Variants in PLAG1 observed in about 807,000 individuals in gnomAD.
PLAG1 encodes zinc finger protein PLAG1.
A neutral mutation model predicts 35.5 loss-of-function variants in PLAG1; 7 were observed. The ratio of observed to expected loss-of-function variants is 0.20; its 90% confidence interval spans 0.11 to 0.37. The LOEUF is 0.37. Among genes scored for constraint, PLAG1 ranks in the 10% least tolerant of loss-of-function variants. The pLI, the probability that PLAG1 is intolerant of heterozygous loss-of-function variation, is 1.00. For synonymous variants in PLAG1, 229 were observed against 225.4 expected (o/e 1.02, Z -0.14); for missense variants, 454 against 602.8 (o/e 0.75, Z 2.58).
chr8:56,173,411 T>C (rs1811589031), intron 2 of PLAG1, among the ~76,000 whole-genome samples: 2 of 152,078 alleles, frequency 1.3e-5, no homozygotes, highest in South Asian at 4.1e-4. Flanking sequence ...AATTATTCTT[T>C]GGATTGATAT....
chr8:56,186,553 G>C (rs1563384286), intron 1 of PLAG1, among the ~76,000 whole-genome samples: 1 of 150,952 alleles, frequency 6.6e-6, no homozygotes, highest in Non-Finnish European at 1.5e-5. Context: ...TTGTATTTTT[G>C]GTAGAGACGG....
At chr8:56,190,742 G>A (rs1812157627) in intron 1 of PLAG1, among the ~76,000 whole-genome samples, 1 of 152,096 alleles carries the variant, frequency 6.6e-6, no homozygotes, top group South Asian at 2.1e-4. Context: ...TAATGAATTA[G>A]AGGGGGCAGT....
chr8:56,176,605 T>C (rs1335735481), intron 2 of PLAG1, among the ~76,000 whole-genome samples: 1 of 152,036 alleles, frequency 6.6e-6, no homozygotes, highest in Non-Finnish European at 1.5e-5. Flanking sequence ...AGGACAATTA[T>C]ATCTGAATGC....
At chr8:56,204,626 T>G (rs1029992240) in intron 1 of PLAG1, among the ~76,000 whole-genome samples, 1 of 151,904 alleles carries the variant, frequency 6.6e-6, no homozygotes, top group African/African-American at 2.4e-5. Flanking sequence ...TAAAGAGAGA[T>G]AATTTTTTAA....
At chr8:56,193,190 T>C (rs543621669) in intron 1 of PLAG1, among the ~76,000 whole-genome samples, 5 of 152,294 alleles carry the variant, frequency 3.3e-5, no homozygotes, top group Admixed American at 2.6e-4. Context: ...ATACAAATGA[T>C]ATGAAATAAC....
intron 2 of PLAG1, among the ~76,000 whole-genome samples, chr8:56,172,468 T>A (rs979222133): frequency 6.6e-6 from 1 of 152,200 alleles, no homozygotes; most frequent in Non-Finnish European, 1.5e-5. Context: ...AAATACTTAC[T>A]TGCCCAGGGC....
At position 56,161,230 on chromosome 8, in the gene PLAG1, A is replaced by T. The variant is rs1811189446; in HGVS notation, c.*5013T>A. 1.0e-5 allele frequency: 2 copies of T among 200,216 alleles called. No homozygotes were observed. Among genetic ancestry groups the T allele is most frequent in the Non-Finnish European group, 2.1e-5 (2 of 96,904 alleles). The allele number at this position is 200,216 out of a possible 1,614,324, so 12.4% of individuals were successfully genotyped here. A position where few individuals can be genotyped will look rare whatever the true frequency, so the allele number is the denominator to read the frequency against. ...ACATTTTAAGTACACGATATACATG[A>T]TAAGCCACTTGATTTCCCAATATTA... On this transcript the variant is annotated 3_prime_UTR_variant, in exon 5 of 5. Transcript: ENST00000316981.
chr8:56,178,971 G>A (rs191711337), intron 2 of PLAG1, among the ~76,000 whole-genome samples: 1 of 128,770 alleles, frequency 7.8e-6, no homozygotes, highest in East Asian at 2.5e-4. Flanking sequence ...CTGTGAGCAA[G>A]TCTAATCCCC....
In PLAG1 at chr8:56,198,260, C is replaced by T. The variant is rs1226001980; in HGVS notation, c.-322+12861G>A. Among the ~76,000 whole-genome samples the T allele has an allele frequency of 2.6e-5, 4 of 152,224 alleles. No homozygotes were observed. In the East Asian group the frequency reaches 5.8e-4, roughly 22 times the overall value. On this transcript the variant is annotated intron_variant, in intron 1 of 4. Transcript: ENST00000316981. ...AAGGCTCAGCCCCGAGAGGAAGCTG[C>T]ATACCCACGCATGGTATGGAGCAGT...
At chr8:56,182,158 G>A (rs1811888549) in intron 1 of PLAG1, among the ~76,000 whole-genome samples, 1 of 152,230 alleles carries the variant, frequency 6.6e-6, no homozygotes, top group Admixed American at 6.5e-5. Context: ...AAATGCTTGG[G>A]GAGGTAGGAC....
chr8:56,166,474 G>A lies in PLAG1; in HGVS notation c.1272C>T (p.Phe424=). The change falls in exon 5 of 5, where the codon TTC becomes TTT. Residue 424 remains phenylalanine, a synonymous_variant. Transcript: ENST00000316981. ...PALDFSQLFN[F]IPLNGPPYNP... Reference sequence around the variant, plus strand: ...TATAGGGAGGACCATTTAAAGGTATGAAATTAAACAACTGAGAAAAATCCA... The same window carrying A: ...TATAGGGAGGACCATTTAAAGGTATAAAATTAAACAACTGAGAAAAATCCA... The A allele has an allele frequency of 6.2e-7, 1 of 1,613,746 alleles. No homozygotes were observed. Among genetic ancestry groups the A allele is most frequent in the South Asian group, 1.1e-5 (1 of 91,046 alleles).
chr8:56,209,086 T>C (rs572905610), intron 1 of PLAG1, among the ~76,000 whole-genome samples: 192 of 152,316 alleles, frequency 1.3e-3, no homozygotes, highest in African/African-American at 3.3e-3. Flanking sequence ...TTAAGCCAAA[T>C]TGAATATTAA....
At chr8:56,173,996 C>T (rs778074019) in intron 2 of PLAG1, among the ~76,000 whole-genome samples, 12 of 152,144 alleles carry the variant, frequency 7.9e-5, no homozygotes, top group African/African-American at 2.9e-4. Context: ...ATTTTAAATT[C>T]CATAGTTCTG....
intron 1 of PLAG1, among the ~76,000 whole-genome samples, chr8:56,181,978 G>A (rs1219125310): frequency 6.6e-6 from 1 of 152,320 alleles, no homozygotes; most frequent in Non-Finnish European, 1.5e-5. Flanking sequence ...TGCCAAAAAA[G>A]AAGTCAGAGA....
rs995083040 is a variant in PLAG1 at position 56,165,296 on chromosome 8, A to G, written c.*947T>C. ...TGAGTCAATCCACTGTGGGATAAAC[A>G]CACCTCATGGCTGCAGTTCCACAAT... On this transcript the variant is annotated 3_prime_UTR_variant, in exon 5 of 5. Transcript: ENST00000316981. 3.3e-4 allele frequency: 71 copies of G among 213,714 alleles called. No individual in the cohort carries two copies. The Middle Eastern group carries it at 4.5e-3, about 13-fold the overall frequency. The allele number at this position is 213,714 out of a possible 1,614,324, so 13.2% of individuals were successfully genotyped here.
chr8:56,167,960 G>A lies in PLAG1; in HGVS notation c.242+68C>T, dbSNP rs1039009585. 3.5e-6 allele frequency: 3 copies of A among 863,214 alleles called. No individual in the cohort carries two copies. Among genetic ancestry groups the A allele is most frequent in the Middle Eastern group, 3.6e-4 (1 of 2,768 alleles). 53.5% of individuals were successfully genotyped at this position (863,214 alleles called of 1,614,324 possible). ...GAAAAATGTGTATACAAATACATAC[G>A]TTTACAATGGCTTCAAACAGCCAAC... On this transcript the variant is annotated intron_variant, in intron 4 of 4. Transcript: ENST00000316981. This position sits in a 1 kb window ranked among gnomAD's most constrained non-coding sequence, Gnocchi z 5.9.
At chr8:56,195,012 C>G (rs1025918188) in intron 1 of PLAG1, among the ~76,000 whole-genome samples, 4 of 152,072 alleles carry the variant, frequency 2.6e-5, no homozygotes, top group African/African-American at 9.7e-5. Flanking sequence ...AGCGAAGAAG[C>G]TGCTGAGGGT....
intron 1 of PLAG1, among the ~76,000 whole-genome samples, chr8:56,187,557 T>C (rs183403167): frequency 2.6e-5 from 4 of 152,326 alleles, no homozygotes; most frequent in Non-Finnish European, 5.9e-5. Context: ...GTAAAGTCTC[T>C]AGCATAGTTC....
intron 1 of PLAG1, among the ~76,000 whole-genome samples, chr8:56,206,592 C>T (rs1254846478): frequency 6.6e-6 from 1 of 151,950 alleles, no homozygotes; most frequent in East Asian, 1.9e-4. Context: ...ATTCTAAAAT[C>T]AGGTTAACTT....
Sources: allele counts gnomAD v4.1 joint callset (sites outside exome capture counted in the v4.1 genomes callset), GRCh38; gene constraint gnomAD v4.1.1; non-coding constraint Gnocchi (gnomAD v3.1); transcripts MANE v1.5; gene names NCBI Gene and HGNC (gene_info 2026-07-23, HGNC 2026-07-21).